The following MYO3B variants were observed in gnomAD, a reference collection of about 807,000 sequenced individuals.
MYO3B encodes myosin-IIIb.
MYO3B carries 156 observed loss-of-function variants against 174.6 expected under a neutral mutation model. The observed-to-expected ratio is 0.89, with a 90% CI of 0.78 to 1.02. The LOEUF is 1.02. Among genes scored for constraint, MYO3B ranks in the 50% least tolerant of loss-of-function variants. MYO3B has a pLI of 0.00. For synonymous variants in MYO3B, 563 were observed against 569.1 expected, an observed-to-expected ratio of 0.99 and a Z score of 0.15; for missense variants, 1,632 against 1,639.4, an observed-to-expected ratio of 1.00 and a Z score of 0.08.
Position 170,391,537 on chromosome 2 carries a change from A to C in MYO3B, c.1595A>C (p.His532Pro), listed in dbSNP as rs1380156962. The C allele has an allele frequency of 6.6e-7, 1 of 1,520,120 alleles. No individual in the cohort carries two copies. The highest frequency in any genetic ancestry group is 8.8e-7 in the Non-Finnish European group (1 of 1,135,926). 94.2% of individuals were successfully genotyped at this position (1,520,120 alleles called of 1,614,324 possible). A position where few individuals can be genotyped will look rare whatever the true frequency, so the allele number is the denominator to read the frequency against. The part of the protein sequence containing the change: ...IKQAAREKNF[H>P]IFYYIYAGLH... ...TTTTTCAGGAGAGAGAAAAATTTTC[A>C]TATATTTTACTATATTTATGCTGGT... Residue 532 changes from histidine (H) to proline (P), a missense_variant, in exon 15 of 35, where the codon CAT becomes CCT. His to Pro is a moderately conservative substitution (Grantham distance 77). Transcript: ENST00000408978.
intron 7 of MYO3B, among the ~76,000 whole-genome samples, chr2:170,297,029 G>A (rs778064975): frequency 4.3e-4 from 66 of 152,116 alleles, no homozygotes; most frequent in Non-Finnish European, 7.9e-4. Flanking sequence ...TTACATTTCA[G>A]CATGAGATTT....
intron 7 of MYO3B, among the ~76,000 whole-genome samples, chr2:170,289,151 A>G (rs1405804271): frequency 6.6e-6 from 1 of 152,004 alleles, no homozygotes; most frequent in Non-Finnish European, 1.5e-5. Context: ...TTCATCAGTG[A>G]TATCAGCCTG....
chr2:170,474,743 C>CAAAAAAAAAAAAAAAAA (rs55913448), intron 25 of MYO3B, among the ~76,000 whole-genome samples: 1 of 37,582 alleles, frequency 2.7e-5, no homozygotes, highest in African/African-American at 9.4e-5. Flanking sequence ...AACTCCGTCT[C>CAAAAAAAAAAAAAAAAA]AAAAAAAAAA....
intron 22 of MYO3B, among the ~76,000 whole-genome samples, chr2:170,413,087 A>T (rs535336983): frequency 3.3e-5 from 5 of 152,358 alleles, no homozygotes; most frequent in African/African-American, 1.2e-4. Context: ...ATGAACAAAA[A>T]ATCTACATTC....
chr2:170,416,208 C>G (rs759787813), intron 22 of MYO3B, among the ~76,000 whole-genome samples: 2 of 152,162 alleles, frequency 1.3e-5, no homozygotes, highest in African/African-American at 4.8e-5. Flanking sequence ...CTGCCTCATA[C>G]AGCCCAACAG....
intron 22 of MYO3B, among the ~76,000 whole-genome samples, chr2:170,442,297 T>C (rs2094806434): frequency 6.6e-6 from 1 of 152,164 alleles, no homozygotes; most frequent in Non-Finnish European, 1.5e-5. Context: ...GTCTGCCTTT[T>C]TTATTTTAGC....
At chr2:170,249,072 C>A (rs1181760638) in intron 7 of MYO3B, among the ~76,000 whole-genome samples, 1 of 152,172 alleles carries the variant, frequency 6.6e-6, no homozygotes, top group Admixed American at 6.5e-5. Context: ...AACATCCAGG[C>A]CTTTGCAGGC....
At position 170,328,101 on chromosome 2, in the gene MYO3B, T is replaced by C. The variant is rs1431446314; in HGVS notation, c.750-7284T>C. Among the ~76,000 whole-genome samples, 5 of 151,860 alleles carry C rather than the reference T, an allele frequency of 3.3e-5. No homozygotes were observed. The East Asian group carries it at 9.7e-4, about 29-fold the overall frequency. ...ATTTTTAGTAGAGACAGGGTTTTGTTGTATTGCCCAGGCTGATCTTGAACT... is the reference window on the plus strand; with the variant it reads ...ATTTTTAGTAGAGACAGGGTTTTGTCGTATTGCCCAGGCTGATCTTGAACT... On this transcript the variant is annotated intron_variant, in intron 7 of 34. Coordinates refer to ENST00000408978, the MANE Select transcript of MYO3B (RefSeq NM_138995.5).
At chr2:170,326,997 A>G (rs1299079166) in intron 7 of MYO3B, among the ~76,000 whole-genome samples, 3 of 152,364 alleles carry the variant, frequency 2.0e-5, no homozygotes, top group East Asian at 1.9e-4. Flanking sequence ...GGGTGATTCA[A>G]TGTAGTAACT....
rs150505608 is a variant in MYO3B, at chr2:170,555,606, T to G, written c.3733+11618T>G. The stretch of plus-strand genomic sequence containing the variant: ...TACTTAAGAGGCCAGGTGTGGTGGT[T>G]TACACCTGTAATCCCAGCACTTTGG... On this transcript the variant is annotated intron_variant, in intron 32 of 34. Transcript: ENST00000408978. Among the ~76,000 whole-genome samples the G allele has an allele frequency of 6.2e-3, 949 of 152,260 alleles. 10 individuals carry two copies. Among genetic ancestry groups the G allele is most frequent in the African/African-American group, 0.02 (830 of 41,544 alleles).
Position 170,214,544 on chromosome 2 carries a change from T to C in MYO3B, c.426+61T>C. The C allele has an allele frequency of 3.3e-6, 5 of 1,520,108 alleles. No homozygotes were observed. The Middle Eastern group carries it at 8.5e-4, about 259-fold the overall frequency. The allele number at this position is 1,520,108 out of a possible 1,614,324, so 94.2% of individuals were successfully genotyped here. On this transcript the variant is annotated intron_variant, in intron 4 of 34. Coordinates refer to ENST00000408978, the MANE Select transcript of MYO3B (RefSeq NM_138995.5). The stretch of plus-strand genomic sequence containing the variant: ...TGGGATGGTTTGTTCATTGCTTGGG[T>C]CCTTATTGCATATTAACAATGGGGA...
At chr2:170,501,711 A>G (rs1246182745) in intron 27 of MYO3B, 74 bp from the exon 28 acceptor site, 13 of 1,013,354 alleles carry the variant, frequency 1.3e-5, no homozygotes, top group Non-Finnish European at 1.8e-5. Flanking sequence ...GCTGGAGGGG[A>G]AAACAGCTTA....
At chr2:170,416,083 C>A (rs1262152951) in intron 22 of MYO3B, among the ~76,000 whole-genome samples, 1 of 152,144 alleles carries the variant, frequency 6.6e-6, no homozygotes, top group Non-Finnish European at 1.5e-5. Context: ...AAGGGGAAAT[C>A]TGAACACAGA....
chr2:170,583,036 C>G (rs1358592182), intron 32 of MYO3B, among the ~76,000 whole-genome samples: 2 of 151,908 alleles, frequency 1.3e-5, no homozygotes, highest in Non-Finnish European at 2.9e-5. Flanking sequence ...TGCTGCCACA[C>G]TGCAGAGTCT....
intron 32 of MYO3B, among the ~76,000 whole-genome samples, chr2:170,645,774 A>G (rs1055869103): frequency 6.6e-6 from 1 of 152,188 alleles, no homozygotes; most frequent in Non-Finnish European, 1.5e-5. Context: ...TTCTTAATGC[A>G]TGTACAAGCA....
intron 23 of MYO3B, among the ~76,000 whole-genome samples, chr2:170,453,434 A>ACACC: frequency 7.3e-6 from 1 of 136,470 alleles, no homozygotes; most frequent in African/African-American, 2.7e-5. Flanking sequence ...ACACACACAC[A>ACACC]CACACACACA....
At chr2:170,484,877 G>A (rs1358295570) in intron 25 of MYO3B, among the ~76,000 whole-genome samples, 1 of 152,132 alleles carries the variant, frequency 6.6e-6, no homozygotes, top group East Asian at 1.9e-4. Flanking sequence ...CACACAAAGG[G>A]GAATGGGCAA....
intron 32 of MYO3B, among the ~76,000 whole-genome samples, chr2:170,614,064 C>G: frequency 6.6e-6 from 1 of 152,130 alleles, no homozygotes; most frequent in Middle Eastern, 3.2e-3. Context: ...AAGATTTCAT[C>G]CCTCTCTTCA....
chr2:170,591,586 T>C (rs1693821667), intron 32 of MYO3B, among the ~76,000 whole-genome samples: 1 of 151,662 alleles, frequency 6.6e-6, no homozygotes, highest in Non-Finnish European at 1.5e-5. Context: ...ACAAAGACTT[T>C]TTTTTTTCTT....
Sources: allele counts gnomAD v4.1 joint callset (sites outside exome capture counted in the v4.1 genomes callset), GRCh38; gene constraint gnomAD v4.1.1; transcripts MANE v1.5; gene names NCBI Gene and HGNC (gene_info 2026-07-23, HGNC 2026-07-21).